The following NFYC variants were observed in gnomAD, a reference collection of about 807,000 sequenced individuals.
NFYC encodes the protein CAAT box DNA-binding protein subunit C.
Under a neutral mutation model 53.1 loss-of-function variants are expected in NFYC, and 25 were observed. That is an observed-to-expected ratio of 0.47 (90% CI 0.34 to 0.66). The LOEUF is 0.66. Ranked by LOEUF, NFYC falls within the 30% of genes least tolerant of loss-of-function variation. The pLI is 0.01. For missense variants in NFYC, 260 were observed against 422.7 expected, an observed-to-expected ratio of 0.62 and a Z score of 3.38; for synonymous variants, 145 against 152.6, an observed-to-expected ratio of 0.95 and a Z score of 0.37.
At chr1:40,715,458 G>A (rs1447566760) in intron 1 of NFYC, among the ~76,000 whole-genome samples, 3 of 151,204 alleles carry the variant, frequency 2.0e-5, no homozygotes, top group Admixed American at 2.0e-4. Flanking sequence ...TCCCTGGCTG[G>A]TCTCGAACTC....
At chr1:40,750,629 A>G (rs1420304456) in intron 4 of NFYC, among the ~76,000 whole-genome samples, 1 of 152,224 alleles carries the variant, frequency 6.6e-6, no homozygotes, top group Non-Finnish European at 1.5e-5. Flanking sequence ...AATAAATGAT[A>G]TGCATGTTGA....
intron 1 of NFYC, among the ~76,000 whole-genome samples, chr1:40,718,471 G>A (rs1401100164): frequency 6.6e-6 from 1 of 152,162 alleles, no homozygotes. Context: ...CTTTCCCAGA[G>A]TTCTCATCAA....
intron 1 of NFYC, among the ~76,000 whole-genome samples, chr1:40,704,760 A>G (rs908061118): frequency 3.3e-5 from 5 of 152,216 alleles, no homozygotes; most frequent in Admixed American, 2.6e-4. Context: ...TGGAACAGTG[A>G]TCAGACATTT....
chr1:40,755,688 C>G (rs1322297375), intron 5 of NFYC, among the ~76,000 whole-genome samples: 1 of 152,168 alleles, frequency 6.6e-6, no homozygotes, highest in Non-Finnish European at 1.5e-5. Context: ...TGCCTTCTTC[C>G]ATTCCAGTGA....
rs1471481883 is a variant in NFYC, at chr1:40,770,295, G to A, written c.889-414G>A. 2 of 1,104,210 alleles carry A rather than the reference G, an allele frequency of 1.8e-6. No individual in the cohort carries two copies. Among genetic ancestry groups the A allele is most frequent in the Admixed American group, 2.6e-5 (1 of 37,894 alleles). 68.4% of individuals were successfully genotyped at this position (1,104,210 alleles called of 1,614,324 possible). On this transcript the variant is annotated intron_variant, in intron 9 of 9. Transcript: ENST00000447388. This position sits in a 1 kb window ranked among gnomAD's most constrained non-coding sequence, Gnocchi z 5.3. ...TTCTGAGAAAAGAAGGAGAGGAGGGGGTAATCCTACTGCCCCTGCCAGTGT... is the reference window on the plus strand; with the variant it reads ...TTCTGAGAAAAGAAGGAGAGGAGGGAGTAATCCTACTGCCCCTGCCAGTGT...
chr1:40,701,765 A>T (rs1470136137), intron 1 of NFYC, among the ~76,000 whole-genome samples: 1 of 152,194 alleles, frequency 6.6e-6, no homozygotes, highest in Non-Finnish European at 1.5e-5. Flanking sequence ...TATTTAGTAC[A>T]ATGGCTATGC....
intron 1 of NFYC, among the ~76,000 whole-genome samples, chr1:40,699,085 A>C (rs1643301865): frequency 1.3e-5 from 2 of 151,962 alleles, no homozygotes; most frequent in Non-Finnish European, 2.9e-5. Flanking sequence ...AATCGCTTGA[A>C]TCCGGGAGGC....
At chr1:40,766,937 A>G in intron 8 of NFYC, 1 of 1,552,244 alleles carries the variant, frequency 6.4e-7, no homozygotes. Context: ...AATGCAAGTC[A>G]GGGGAAGCCT....
At chr1:40,724,672 C>A (rs1399248628) in intron 1 of NFYC, among the ~76,000 whole-genome samples, 1 of 152,180 alleles carries the variant, frequency 6.6e-6, no homozygotes, top group Non-Finnish European at 1.5e-5. Flanking sequence ...ATGTTCTGTT[C>A]ATGCCTTCCC....
intron 7 of NFYC, among the ~76,000 whole-genome samples, chr1:40,764,394 T>C (rs1038618619): frequency 6.6e-6 from 1 of 152,250 alleles, no homozygotes; most frequent in African/African-American, 2.4e-5. Context: ...TCTCTTTCTC[T>C]ACCTCTCTCA....
chr1:40,764,991 A>G (rs1646741938), intron 7 of NFYC, among the ~76,000 whole-genome samples: 1 of 152,172 alleles, frequency 6.6e-6, no homozygotes, highest in Admixed American at 6.5e-5. Flanking sequence ...AGCTGTCAGT[A>G]TACCTTCTCC....
At chr1:40,761,385 T>C (rs945358874) in intron 6 of NFYC, among the ~76,000 whole-genome samples, 1 of 152,222 alleles carries the variant, frequency 6.6e-6, no homozygotes, top group East Asian at 1.9e-4. Context: ...TAGTGATGGC[T>C]ATTTCAAGTT....
At chr1:40,740,025 A>G (rs556888590) in intron 2 of NFYC, among the ~76,000 whole-genome samples, 3 of 152,276 alleles carry the variant, frequency 2.0e-5, no homozygotes, top group Admixed American at 2.0e-4. Context: ...TGGTAGTGGA[A>G]GGTGAGACAG....
At chr1:40,750,003 G>A (rs1385791836) in intron 4 of NFYC, among the ~76,000 whole-genome samples, 1 of 152,198 alleles carries the variant, frequency 6.6e-6, no homozygotes, top group Non-Finnish European at 1.5e-5. Flanking sequence ...AGAGGCTCAA[G>A]TGATAAGAGT....
At chr1:40,699,371 G>A (rs953465296) in intron 1 of NFYC, among the ~76,000 whole-genome samples, 10 of 152,140 alleles carry the variant, frequency 6.6e-5, no homozygotes, top group East Asian at 1.9e-4. Flanking sequence ...CCAGTGTTAA[G>A]AAGATATATC....
chr1:40,717,808 G>C (rs529396721), intron 1 of NFYC, among the ~76,000 whole-genome samples: 1 of 152,120 alleles, frequency 6.6e-6, no homozygotes, highest in Non-Finnish European at 1.5e-5. Context: ...GCATGAAGCT[G>C]ACCAAAAATA....
At chr1:40,767,133 C>T (rs1203068144) in intron 8 of NFYC, 2 of 685,244 alleles carry the variant, frequency 2.9e-6, no homozygotes, top group African/African-American at 3.6e-5. Flanking sequence ...CATCCCTAAC[C>T]AGAAAAATTG....
At position 40,770,882 on chromosome 1, in the gene NFYC, C is replaced by G. The variant is rs983171209; in HGVS notation, c.*54C>G. 1.3e-6 allele frequency: 2 copies of G among 1,582,170 alleles called. No individual in the cohort carries two copies. The highest frequency in any genetic ancestry group is 1.7e-6 in the Non-Finnish European group (2 of 1,165,826). ...CCAACACAATTTTTGCCATACAGCC[C>G]CAGGCAATGGGCACAGCCTTCCTCC... On this transcript the variant is annotated 3_prime_UTR_variant, in exon 10 of 10. Transcript: ENST00000447388. This position sits in a 1 kb window ranked among gnomAD's most constrained non-coding sequence, Gnocchi z 5.3.
At chr1:40,735,904 C>T (rs889204499) in intron 1 of NFYC, among the ~76,000 whole-genome samples, 1 of 152,186 alleles carries the variant, frequency 6.6e-6, no homozygotes, top group Non-Finnish European at 1.5e-5. Context: ...CTAAACTTCT[C>T]TAGATTACCT....
Sources: gnomAD v4.1 joint callset for allele counts (sites outside exome capture counted in the v4.1 genomes callset) on GRCh38, gnomAD v4.1.1 for gene constraint, Gnocchi (gnomAD v3.1) non-coding constraint, MANE v1.5 for transcripts, NCBI Gene and HGNC (gene_info 2026-07-23, HGNC 2026-07-21) for gene names.